Variants in ANKS1B observed in about 807,000 individuals in gnomAD.
ANKS1B encodes the protein ankyrin repeat and sterile alpha motif domain containing 1B.
ANKS1B carries 36 observed loss-of-function variants against 148.3 expected under a neutral mutation model. That is an observed-to-expected ratio of 0.24 (90% CI 0.19 to 0.32). The LOEUF is 0.32. Ranked by LOEUF, ANKS1B falls within the 10% of genes least tolerant of loss-of-function variation. The pLI is 1.00. For missense variants in ANKS1B, 1,157 were observed against 1,542.6 expected (o/e 0.75, Z 4.19); for synonymous variants, 542 against 560.8 (o/e 0.97, Z 0.47).
intron 9 of ANKS1B, among the ~76,000 whole-genome samples, chr12:99,617,814 A>C (rs1323038297): frequency 3.9e-5 from 6 of 152,100 alleles, no homozygotes; most frequent in South Asian, 2.1e-4. Context: ...ATTTAAAAAA[A>C]AAAACAAAAC....
In ANKS1B at chr12:99,897,786, T is replaced by C. The variant is rs192207155; in HGVS notation, c.135-72397A>G. Among the ~76,000 whole-genome samples, 333 of 146,750 alleles carry C rather than the reference T, an allele frequency of 2.3e-3. 3 individuals are homozygous for C. The highest frequency in any genetic ancestry group is 7.9e-3 in the African/African-American group (316 of 40,182). On this transcript the variant is annotated intron_variant, in intron 1 of 26. Coordinates refer to ENST00000683438, the MANE Select transcript of ANKS1B (RefSeq NM_001352186.2). ...TCTGAGCTAAGCCTTAAAAGATAGG[T>C]AGGGATATAGAAAGGAGAGGGAAGA...
chr12:98,742,482 C>T (rs1472649788), downstream of ANKS1B, among the ~76,000 whole-genome samples: 1 of 152,174 alleles, frequency 6.6e-6, no homozygotes, highest in Non-Finnish European at 1.5e-5. Flanking sequence ...TGCAGAATGA[C>T]CATCTTTGCA....
In ANKS1B at chr12:98,946,202, G is replaced by A. The variant is rs144906382; in HGVS notation, c.2778+106955C>T. On this transcript the variant is annotated intron_variant, in intron 17 of 26. Coordinates refer to ENST00000683438, the MANE Select transcript of ANKS1B (RefSeq NM_001352186.2). ...CATCCTTAAGTGAAAGTCTCAAAGA[G>A]TCATCTTTCCCCATCCCAAACTGAT... Among the ~76,000 whole-genome samples, 14 of 152,318 alleles carry A rather than the reference G, an allele frequency of 9.2e-5. No individual in the cohort carries two copies. In the East Asian group the frequency reaches 2.5e-3, roughly 27 times the overall value.
intron 14 of ANKS1B, among the ~76,000 whole-genome samples, chr12:99,239,427 C>T (rs1759380339): frequency 1.3e-5 from 2 of 152,056 alleles, no homozygotes; most frequent in African/African-American, 2.4e-5. Context: ...GTGAAAAGAC[C>T]AAATATACAT....
intron 1 of ANKS1B, among the ~76,000 whole-genome samples, chr12:99,878,605 C>G: frequency 6.6e-6 from 1 of 152,186 alleles, no homozygotes; most frequent in Non-Finnish European, 1.5e-5. Flanking sequence ...GGTTGAACTT[C>G]TGATACTGAT....
intron 10 of ANKS1B, among the ~76,000 whole-genome samples, chr12:99,448,128 G>A (rs2095666015): frequency 6.6e-6 from 1 of 152,072 alleles, no homozygotes; most frequent in South Asian, 2.1e-4. Flanking sequence ...GAATCATTAT[G>A]TAGAAGAGAT....
chr12:99,841,298 C>T (rs1316322192), intron 1 of ANKS1B, among the ~76,000 whole-genome samples: 1 of 151,970 alleles, frequency 6.6e-6, no homozygotes, highest in East Asian at 1.9e-4. Flanking sequence ...GATGGTCATA[C>T]AGCTTTTCCC....
chr12:99,224,669 A>C (rs1389492335), intron 14 of ANKS1B, among the ~76,000 whole-genome samples: 1 of 152,172 alleles, frequency 6.6e-6, no homozygotes, highest in South Asian at 2.1e-4. Context: ...TTTCTGAAAA[A>C]ATTACGCAGT....
chr12:99,522,093 A>G (rs1301748845), intron 9 of ANKS1B, among the ~76,000 whole-genome samples: 1 of 152,202 alleles, frequency 6.6e-6, no homozygotes, highest in Non-Finnish European at 1.5e-5. Context: ...CTCTCAAACC[A>G]CAATACAAAG....
chr12:99,344,599 A>G (rs2090401815), intron 12 of ANKS1B, among the ~76,000 whole-genome samples: 1 of 152,076 alleles, frequency 6.6e-6, no homozygotes, highest in Non-Finnish European at 1.5e-5. Flanking sequence ...TCAAAGATTT[A>G]TAATTTCTTA....
chr12:98,843,793 A>G (rs1555398414), intron 17 of ANKS1B, among the ~76,000 whole-genome samples: 4 of 152,224 alleles, frequency 2.6e-5, no homozygotes. Flanking sequence ...GAATCTTAAC[A>G]TAAGTAAGCT....
At chr12:98,812,024 C>G (rs1323475848) in intron 19 of ANKS1B, among the ~76,000 whole-genome samples, 1 of 152,118 alleles carries the variant, frequency 6.6e-6, no homozygotes, top group Non-Finnish European at 1.5e-5. Context: ...ACTGAGAGTT[C>G]ATACATGGCT....
At chr12:99,593,903 TG>T (rs756407775) in intron 9 of ANKS1B, among the ~76,000 whole-genome samples, 92 of 152,200 alleles carry the variant, frequency 6.0e-4, no homozygotes, top group Non-Finnish European at 1.2e-3. Context: ...GTTTACAAAG[TG>T]CCTGTATACA....
At chr12:99,107,379 A>T (rs1054104794) in intron 15 of ANKS1B, among the ~76,000 whole-genome samples, 3 of 152,174 alleles carry the variant, frequency 2.0e-5, no homozygotes, top group African/African-American at 7.2e-5. Flanking sequence ...CAGATGATTA[A>T]GTAGAAACCT....
At chr12:99,856,991 T>C (rs1481923257) in intron 1 of ANKS1B, among the ~76,000 whole-genome samples, 2 of 152,106 alleles carry the variant, frequency 1.3e-5, no homozygotes, top group Non-Finnish European at 2.9e-5. Flanking sequence ...GGATGCCCAC[T>C]CTCAACACTT....
intron 1 of ANKS1B, among the ~76,000 whole-genome samples, chr12:99,926,262 T>C (rs1392835381): frequency 6.6e-6 from 1 of 152,236 alleles, no homozygotes; most frequent in East Asian, 1.9e-4. Flanking sequence ...TTCTAGCAAG[T>C]ACCACCTTGC....
chr12:99,091,207 T>C (rs1261748767), intron 15 of ANKS1B, among the ~76,000 whole-genome samples: 2 of 152,102 alleles, frequency 1.3e-5, no homozygotes, highest in East Asian at 1.9e-4. Flanking sequence ...GGTTAAGATA[T>C]AGTTTAGCAT....
chr12:99,732,198 T>A (rs1317059147), intron 8 of ANKS1B, among the ~76,000 whole-genome samples: 1 of 152,174 alleles, frequency 6.6e-6, no homozygotes, highest in Non-Finnish European at 1.5e-5. Flanking sequence ...TATACATTAC[T>A]GATTGGAACT....
intron 9 of ANKS1B, among the ~76,000 whole-genome samples, chr12:99,525,821 A>G (rs2153074418): frequency 6.6e-6 from 1 of 152,282 alleles, no homozygotes; most frequent in South Asian, 2.1e-4. Context: ...ACAGAAAAAG[A>G]TTGATAAATT....
Sources: allele counts gnomAD v4.1 joint callset (sites outside exome capture counted in the v4.1 genomes callset), GRCh38; gene constraint gnomAD v4.1.1; transcripts MANE v1.5; gene names NCBI Gene and HGNC (gene_info 2026-07-23, HGNC 2026-07-21).